DIP2C: variants seen among roughly 807,000 people sequenced by gnomAD.
DIP2C encodes DIP2 acetate--CoA ligase C (putative), also known as disco-interacting protein 2 homolog C.
DIP2C carries 33 observed loss-of-function variants against 192.4 expected under a neutral mutation model. The ratio of observed to expected loss-of-function variants is 0.17; its 90% CI spans 0.13 to 0.23. The LOEUF (loss-of-function observed/expected upper bound fraction) is 0.23, where lower values mean the gene tolerates loss of function less well. Ranked by LOEUF, DIP2C falls within the 10% of genes least tolerant of loss-of-function variation. The pLI, the probability that DIP2C is intolerant of heterozygous loss-of-function variation, is 1.00. For missense variants in DIP2C, 1,537 were observed against 2,110.1 expected (o/e 0.73, Z 5.32); for synonymous variants, 979 against 864.1 (o/e 1.13, Z -2.33).
intron 1 of DIP2C, among the ~76,000 whole-genome samples, chr10:618,612 T>C (rs1678380091): frequency 6.6e-6 from 1 of 152,076 alleles, no homozygotes; most frequent in Non-Finnish European, 1.5e-5. Flanking sequence ...AAATAATGAT[T>C]TTTAGACTCT....
rs1846291108 is a variant in DIP2C at position 515,464 on chromosome 10, T to G, written c.86-28934A>C. ...CGGGCCGGGTGCAGTGGCTCACACCTTTAATCCCAGCACTTTGGGAGGCCA... is the reference window on the plus strand; with the variant it reads ...CGGGCCGGGTGCAGTGGCTCACACCGTTAATCCCAGCACTTTGGGAGGCCA... On this transcript the variant is annotated intron_variant, in intron 1 of 36. Transcript: ENST00000280886. 1.3e-5 allele frequency among the ~76,000 whole-genome samples: 2 copies of G among 152,202 alleles called. 1 individual carries two copies. Among genetic ancestry groups the G allele is most frequent in the African/African-American group, 4.8e-5 (2 of 41,450 alleles).
At chr10:406,972 C>T (rs1424532718) in intron 9 of DIP2C, among the ~76,000 whole-genome samples, 1 of 152,108 alleles carries the variant, frequency 6.6e-6, no homozygotes, top group Admixed American at 6.6e-5. Context: ...CCCCTACGAT[C>T]CCATCTCCAA....
intron 1 of DIP2C, among the ~76,000 whole-genome samples, chr10:561,074 A>G (rs767808286): frequency 2.0e-5 from 3 of 152,158 alleles, no homozygotes; most frequent in Non-Finnish European, 4.4e-5. Flanking sequence ...AAACCAATGT[A>G]CATCTTACAT....
chr10:600,523 CA>C (rs112108566), intron 1 of DIP2C, among the ~76,000 whole-genome samples: 2,244 of 100,404 alleles, frequency 0.022, 13 homozygotes, highest in African/African-American at 0.085. Context: ...AGCGACCCCA[CA>C]AGCCCTGTCC....
chr10:491,191 G>A (rs778150869), intron 1 of DIP2C, among the ~76,000 whole-genome samples: 17 of 152,180 alleles, frequency 1.1e-4, no homozygotes, highest in Admixed American at 4.6e-4. Context: ...TGGGAGCCGC[G>A]TGACCCTAGG....
intron 15 of DIP2C, 102 bp downstream of exon 15, chr10:384,444 G>A (rs1006968972): frequency 1.7e-6 from 2 of 1,194,666 alleles, no homozygotes; most frequent in Non-Finnish European, 1.2e-6. Flanking sequence ...CTCCATATTG[G>A]CCCGGGTGGT....
At chr10:404,496 A>G (rs1411127116) in intron 9 of DIP2C, among the ~76,000 whole-genome samples, 1 of 152,154 alleles carries the variant, frequency 6.6e-6, no homozygotes, top group Non-Finnish European at 1.5e-5. Flanking sequence ...GGCATGAGTC[A>G]CCGCACCAGG....
intron 18 of DIP2C, among the ~76,000 whole-genome samples, chr10:367,293 T>C (rs375214655): frequency 0.02 from 3,102 of 151,822 alleles, 103 homozygotes; most frequent in African/African-American, 0.071. Context: ...GGCGGGCGCC[T>C]GTAGTCCCAG....
At chr10:432,698 T>TA (rs1354145954) in intron 4 of DIP2C, among the ~76,000 whole-genome samples, 1 of 152,218 alleles carries the variant, frequency 6.6e-6, no homozygotes, top group East Asian at 1.9e-4. Context: ...CCTGCTTACT[T>TA]AGAATTTAAT....
chr10:329,451 C>T lies in DIP2C; in HGVS notation c.3735G>A (p.Ser1245=), dbSNP rs536282738. Residue 1245 remains serine, a synonymous_variant, in exon 30 of 37, where the codon TCG becomes TCA. Coordinates refer to ENST00000280886, the MANE Select transcript of DIP2C (RefSeq NM_014974.3). The part of the protein sequence containing the change: ...VMELCTKGLG[S]QTESLKARGL... The stretch of plus-strand genomic sequence containing the variant: ...TGCTTACCTTGAGGGACTCTGTTTG[C>T]GAGCCCAGCCCCTTGGTGCACAGCT... The T allele has an allele frequency of 3.9e-5, 63 of 1,613,382 alleles. No homozygotes were observed. The East Asian group carries it at 1.0e-3, about 27-fold the overall frequency.
At chr10:421,530 T>C (rs967601380) in intron 5 of DIP2C, among the ~76,000 whole-genome samples, 19 of 151,950 alleles carry the variant, frequency 1.3e-4, no homozygotes, top group African/African-American at 1.5e-4. Flanking sequence ...CAAAAAAAAA[T>C]AACAGTCACA....
rs1190844276 is a variant in DIP2C at position 447,144 on chromosome 10, C to A, written c.269-6148G>T. ...CCAGAAACAAAGGGCTTGTCACACA[C>A]AGTGGGGCAGCAGGACCCACTCACC... On this transcript the variant is annotated intron_variant, in intron 3 of 36. Transcript: ENST00000280886. Among the ~76,000 whole-genome samples, 8 of 152,128 alleles carry A rather than the reference C, an allele frequency of 5.3e-5. No individual in the cohort carries two copies. The East Asian group carries it at 1.4e-3, about 26-fold the overall frequency.
At chr10:449,924 A>ACC (rs1968713749) in intron 3 of DIP2C, among the ~76,000 whole-genome samples, 1 of 130,256 alleles carries the variant, frequency 7.7e-6, no homozygotes, top group Non-Finnish European at 1.6e-5. Flanking sequence ...CAACAACAAA[A>ACC]AAAAAAAAAA....
At chr10:468,212 C>T (rs1970378542) in intron 3 of DIP2C, among the ~76,000 whole-genome samples, 1 of 152,126 alleles carries the variant, frequency 6.6e-6, no homozygotes, top group South Asian at 2.1e-4. Context: ...TGAGCATATA[C>T]TCTAAGTAAA....
At chr10:324,171 C>G (rs1183059806) in intron 31 of DIP2C, among the ~76,000 whole-genome samples, 1 of 152,198 alleles carries the variant, frequency 6.6e-6, no homozygotes, top group African/African-American at 2.4e-5. Flanking sequence ...AAAAAATTAT[C>G]TACATGCCTA....
intron 1 of DIP2C, among the ~76,000 whole-genome samples, chr10:497,195 T>G (rs768442200): frequency 1.2e-4 from 18 of 152,184 alleles, no homozygotes; most frequent in Admixed American, 3.9e-4. Flanking sequence ...ATGTAAATGG[T>G]GGGTGTACTG....
At chr10:508,331 G>C (rs1845773371) in intron 1 of DIP2C, among the ~76,000 whole-genome samples, 2 of 152,200 alleles carry the variant, frequency 1.3e-5, no homozygotes, top group Non-Finnish European at 2.9e-5. Flanking sequence ...CACAGGCTCA[G>C]AGTGCCCAGG....
At chr10:549,244 G>A (rs1223161427) in intron 1 of DIP2C, among the ~76,000 whole-genome samples, 2 of 152,056 alleles carry the variant, frequency 1.3e-5, no homozygotes, top group East Asian at 3.8e-4. Context: ...GGCCTTTTTA[G>A]ACCTTTTTTC....
intron 2 of DIP2C, chr10:484,869 G>A (rs1843890543): frequency 1.2e-6 from 2 of 1,611,838 alleles, no homozygotes; most frequent in Non-Finnish European, 1.7e-6. Flanking sequence ...ACACCCCGAT[G>A]TGGGCAGAGC....
Sources: gnomAD v4.1 joint callset for allele counts (sites outside exome capture counted in the v4.1 genomes callset) on GRCh38, gnomAD v4.1.1 for gene constraint, MANE v1.5 for transcripts, NCBI Gene and HGNC (gene_info 2026-07-23, HGNC 2026-07-21) for gene names.